Variants in TSPEAR observed in about 807,000 individuals in gnomAD.
The protein encoded by TSPEAR is thrombospondin-type laminin G domain and EAR repeat-containing protein.
Under a neutral mutation model 71.6 loss-of-function variants are expected in TSPEAR, and 69 were observed. The ratio of observed to expected loss-of-function variants is 0.96; its 90% confidence interval spans 0.79 to 1.18. TSPEAR has a LOEUF of 1.18. Ranked by LOEUF, TSPEAR falls within the 50% of genes most tolerant of loss-of-function variation. The probability of loss-of-function intolerance (pLI) is 0.00; values close to 1 mark genes in which losing one functional copy is unlikely to be tolerated. For synonymous variants in TSPEAR, 402 were observed against 387.2 expected (o/e 1.04, Z -0.45); for missense variants, 971 against 894.9 (o/e 1.09, Z -1.09).
At chr21:44,588,961 A>AG (rs1555926047) in intron 1 of TSPEAR, among the ~76,000 whole-genome samples, 2 of 151,930 alleles carry the variant, frequency 1.3e-5, no homozygotes, top group African/African-American at 4.8e-5. Context: ...GAGGATACAA[A>AG]GGCATAAGAA....
chr21:44,695,339 G>A lies in TSPEAR; in HGVS notation c.82+16094C>T, dbSNP rs926196. 9.5e-3 allele frequency among the ~76,000 whole-genome samples: 1,448 copies of A among 152,172 alleles called. 12 individuals are homozygous for A. The highest frequency in any genetic ancestry group is 0.029 in the South Asian group (141 of 4,816). On this transcript the variant is annotated intron_variant, in intron 1 of 11. Transcript: ENST00000323084. This position sits in a 1 kb window ranked among gnomAD's most constrained non-coding sequence, Gnocchi z 4.5. ...TGTACAGAACAGGCCCCTGGGTCTC[G>A]GTCCCCAAAGCACCTCTTCTCAGAC...
At chr21:44,581,589 T>C (rs754585932) in intron 1 of TSPEAR, among the ~76,000 whole-genome samples, 9 of 152,230 alleles carry the variant, frequency 5.9e-5, no homozygotes, top group Non-Finnish European at 1.3e-4. Context: ...TATTCTTCTT[T>C]TGTTTCTATG....
At chr21:44,512,256 G>A (rs1176120403) in intron 9 of TSPEAR, among the ~76,000 whole-genome samples, 1 of 150,340 alleles carries the variant, frequency 6.7e-6, no homozygotes, top group African/African-American at 2.5e-5. Context: ...TGAGCAGAAC[G>A]AGGAGGTCAG....
At chr21:44,523,047 T>G (rs1351038411) in intron 8 of TSPEAR, among the ~76,000 whole-genome samples, 1 of 152,058 alleles carries the variant, frequency 6.6e-6, no homozygotes, top group African/African-American at 2.4e-5. Flanking sequence ...GTCAGGTAGT[T>G]TGTCAGTCAG....
intron 1 of TSPEAR, among the ~76,000 whole-genome samples, chr21:44,641,423 G>A (rs1984014555): frequency 6.6e-6 from 1 of 152,152 alleles, no homozygotes; most frequent in Non-Finnish European, 1.5e-5. Context: ...CTGATACAGT[G>A]ACCCCAGTTC....
At chr21:44,706,411 GCACACACACGCGCGCA>G (rs1569271144) in intron 1 of TSPEAR, among the ~76,000 whole-genome samples, 2 of 151,226 alleles carry the variant, frequency 1.3e-5, no homozygotes, top group Non-Finnish European at 3.0e-5. Flanking sequence ...ACGCACCCAT[GCACACACACGCGCGCA>G]CACACCCACG....
intron 1 of TSPEAR, among the ~76,000 whole-genome samples, chr21:44,572,110 C>A (rs1555922622): frequency 6.6e-6 from 1 of 152,236 alleles, no homozygotes; most frequent in African/African-American, 2.4e-5. Context: ...TGTGGGATTC[C>A]TCCCCCAACG....
chr21:44,657,994 C>T lies in TSPEAR; in HGVS notation c.82+53439G>A, dbSNP rs782481775. ...CACACGCCACCATGTGCCACACCAGCTGCTCCCCAGCCTGCCAGCCAACCT... is the reference window on the plus strand; with the variant it reads ...CACACGCCACCATGTGCCACACCAGTTGCTCCCCAGCCTGCCAGCCAACCT... On this transcript the variant is annotated intron_variant, in intron 1 of 11. Transcript: ENST00000323084. The T allele has an allele frequency of 5.6e-6, 9 of 1,613,416 alleles. No individual in the cohort carries two copies. The South Asian group carries it at 8.8e-5, about 16-fold the overall frequency.
chr21:44,637,625 T>C, intron 1 of TSPEAR: 3 of 1,613,980 alleles, frequency 1.9e-6, no homozygotes, highest in Non-Finnish European at 2.5e-6. Context: ...CACCAGCTCC[T>C]GCACAACCCC....
intron 1 of TSPEAR, among the ~76,000 whole-genome samples, chr21:44,689,450 T>C (rs1480102073): frequency 5.3e-5 from 8 of 149,898 alleles, no homozygotes; most frequent in African/African-American, 2.0e-4. Context: ...TGCAGTGAGC[T>C]GAGATCATGC....
intron 1 of TSPEAR, among the ~76,000 whole-genome samples, chr21:44,700,028 G>A (rs1417957901): frequency 1.3e-5 from 2 of 152,138 alleles, no homozygotes; most frequent in Admixed American, 1.3e-4. Context: ...AACAGCTCTG[G>A]GCCAGCAGGG....
intron 9 of TSPEAR, among the ~76,000 whole-genome samples, chr21:44,511,979 C>A (rs1169493302): frequency 6.6e-6 from 1 of 151,444 alleles, no homozygotes; most frequent in Non-Finnish European, 1.5e-5. Flanking sequence ...AGATGGGGGA[C>A]CATGGAGGGG....
chr21:44,646,034 A>G (rs1007379464), intron 1 of TSPEAR, among the ~76,000 whole-genome samples: 3 of 139,624 alleles, frequency 2.1e-5, no homozygotes, highest in African/African-American at 7.9e-5. Context: ...CTGAGGTGGG[A>G]GAATCGCTTG....
intron 1 of TSPEAR, chr21:44,591,480 G>A (rs1555926521): frequency 6.2e-7 from 1 of 1,614,078 alleles, no homozygotes; most frequent in Non-Finnish European, 8.5e-7. Flanking sequence ...AGGCCGTGCG[G>A]CAGCAGCTGG....
chr21:44,521,665 C>T lies in TSPEAR; in HGVS notation c.1566+218G>A, dbSNP rs587709618. On this transcript the variant is annotated intron_variant, in intron 9 of 11. Transcript: ENST00000323084. ...TCCAGGCACCTGGACTGTCCCTGGG[C>T]GCACAGAGGCTCTCAGGCAAGAAGG... 7.8e-4 allele frequency among the ~76,000 whole-genome samples: 119 copies of T among 152,358 alleles called. 2 individuals are homozygous for T. Among genetic ancestry groups the T allele is most frequent in the Admixed American group, 6.7e-3 (103 of 15,314 alleles).
intron 9 of TSPEAR, chr21:44,518,351 G>A (rs1374312168): frequency 2.2e-6 from 1 of 458,452 alleles, no homozygotes; most frequent in Non-Finnish European, 4.5e-6. Context: ...TGGGGCACTG[G>A]GGCATCTTGA....
intron 1 of TSPEAR, among the ~76,000 whole-genome samples, chr21:44,649,765 G>A (rs587715163): frequency 6.6e-6 from 1 of 152,158 alleles, no homozygotes; most frequent in Non-Finnish European, 1.5e-5. Context: ...CAGTGGGCTT[G>A]GGCTGTGTCC....
intron 1 of TSPEAR, among the ~76,000 whole-genome samples, chr21:44,607,662 A>T (rs1555930092): frequency 6.6e-6 from 1 of 152,158 alleles, no homozygotes; most frequent in Non-Finnish European, 1.5e-5. Context: ...TATTAATACC[A>T]CACATCCATA....
intron 1 of TSPEAR, among the ~76,000 whole-genome samples, chr21:44,696,372 C>A (rs542853587): frequency 6.2e-4 from 95 of 152,346 alleles, no homozygotes; most frequent in African/African-American, 2.2e-3. Context: ...GCCTGCCAGG[C>A]CTCCAGTGTA....
Sources: gnomAD v4.1 joint callset for allele counts (sites outside exome capture counted in the v4.1 genomes callset) on GRCh38, gnomAD v4.1.1 for gene constraint, Gnocchi (gnomAD v3.1) non-coding constraint, MANE v1.5 for transcripts, NCBI Gene and HGNC (gene_info 2026-07-23, HGNC 2026-07-21) for gene names.